Variants in ERBB4 observed in about 807,000 individuals in gnomAD.
The protein encoded by ERBB4 is receptor tyrosine-protein kinase erbB-4.
A neutral mutation model predicts 158.0 loss-of-function variants in ERBB4; 42 were observed. The observed-to-expected ratio is 0.27, with a 90% CI of 0.21 to 0.34. ERBB4 has a LOEUF of 0.34. Ranked by LOEUF, ERBB4 falls within the 10% of genes least tolerant of loss-of-function variation. The pLI is 1.00. For missense variants in ERBB4, 1,333 were observed against 1,624.1 expected, an observed-to-expected ratio of 0.82 and a Z score of 3.08; for synonymous variants, 583 against 558.7, an observed-to-expected ratio of 1.04 and a Z score of -0.61.
Position 212,525,313 on chromosome 2 carries a change from T to C in ERBB4, c.82+13136A>G, listed in dbSNP as rs574609289. Among the ~76,000 whole-genome samples, 6 of 152,084 alleles carry C rather than the reference T, an allele frequency of 3.9e-5. No individual in the cohort carries two copies. In the South Asian group the frequency reaches 6.2e-4, roughly 16 times the overall value. ...GATGTCTTCAAGTTTAAAGCATACA[T>C]GTGCTATCAGCACATGTACAATTAC... On this transcript the variant is annotated intron_variant, in intron 1 of 27. Coordinates refer to ENST00000342788, the MANE Select transcript of ERBB4 (RefSeq NM_005235.3).
intron 20 of ERBB4, among the ~76,000 whole-genome samples, chr2:211,498,744 A>C (rs895924888): frequency 6.6e-6 from 1 of 152,168 alleles, no homozygotes; most frequent in African/African-American, 2.4e-5. Flanking sequence ...TCATATTACC[A>C]TTACAATTGA....
At chr2:211,454,543 T>TTC (rs200602976) in intron 20 of ERBB4, among the ~76,000 whole-genome samples, 29 of 151,400 alleles carry the variant, frequency 1.9e-4, no homozygotes, top group South Asian at 4.2e-4. Context: ...GCAAATGCAT[T>TTC]TCTCTCTCTC....
chr2:212,011,136 C>T (rs1279023330), intron 2 of ERBB4, among the ~76,000 whole-genome samples: 2 of 152,124 alleles, frequency 1.3e-5, no homozygotes, highest in African/African-American at 4.8e-5. Context: ...AGGTGATGTA[C>T]ATCCTTAGCT....
At chr2:212,428,846 T>C (rs527585420) in intron 1 of ERBB4, among the ~76,000 whole-genome samples, 1 of 152,136 alleles carries the variant, frequency 6.6e-6, no homozygotes, top group Admixed American at 6.6e-5. Flanking sequence ...GGGACATCTG[T>C]AGGCATAACA....
In ERBB4 at chr2:211,483,793, C is replaced by A. The variant is rs2065139957; in HGVS notation, c.2488-52693G>T. The stretch of plus-strand genomic sequence containing the variant: ...GATGGCCATCCTGACTTCAAGTGAT[C>A]CTTCCCCTCAGCCTCCCAAAGTGCT... On this transcript the variant is annotated intron_variant, in intron 20 of 27. Coordinates refer to ENST00000342788, the MANE Select transcript of ERBB4 (RefSeq NM_005235.3). Among the ~76,000 whole-genome samples the A allele has an allele frequency of 2.0e-5, 3 of 152,126 alleles. No individual in the cohort carries two copies. In the South Asian group the frequency reaches 6.2e-4, roughly 32 times the overall value.
intron 4 of ERBB4, among the ~76,000 whole-genome samples, chr2:211,768,191 C>T (rs1316723703): frequency 6.6e-6 from 1 of 152,212 alleles, no homozygotes; most frequent in Non-Finnish European, 1.5e-5. Flanking sequence ...CCATGTCTCA[C>T]ATCCAGGTCA....
At chr2:212,171,806 T>C (rs1482956278) in intron 1 of ERBB4, among the ~76,000 whole-genome samples, 1 of 152,170 alleles carries the variant, frequency 6.6e-6, no homozygotes, top group Non-Finnish European at 1.5e-5. Context: ...TGTGGGTCAA[T>C]TAAACCTCTT....
intron 25 of ERBB4, among the ~76,000 whole-genome samples, chr2:211,413,359 A>T (rs866543948): frequency 2.7e-4 from 40 of 148,560 alleles, no homozygotes; most frequent in Non-Finnish European, 4.4e-4. Context: ...TTGATAAAAA[A>T]AAAAATAAAA....
chr2:212,441,897 A>G (rs1220130834), intron 1 of ERBB4, among the ~76,000 whole-genome samples: 1 of 152,192 alleles, frequency 6.6e-6, no homozygotes, highest in Non-Finnish European at 1.5e-5. Flanking sequence ...CAGAAGATAT[A>G]TCCTTGACAA....
At chr2:212,457,537 G>T (rs924856101) in intron 1 of ERBB4, among the ~76,000 whole-genome samples, 1 of 151,972 alleles carries the variant, frequency 6.6e-6, no homozygotes, top group South Asian at 2.1e-4. Flanking sequence ...CTTGCTGATT[G>T]TCCTGTGATA....
intron 1 of ERBB4, among the ~76,000 whole-genome samples, chr2:212,373,815 GTATATATCCATATATA>G (rs1470852695): frequency 1.3e-5 from 1 of 76,292 alleles, no homozygotes; most frequent in African/African-American, 6.7e-5. Flanking sequence ...ATATATCCAT[GTATATATCCATATATA>G]TATATATCCA....
intron 1 of ERBB4, among the ~76,000 whole-genome samples, chr2:212,330,843 G>A (rs1377544838): frequency 6.6e-6 from 1 of 151,140 alleles, no homozygotes; most frequent in Non-Finnish European, 1.5e-5. Context: ...TAGGAACTAG[G>A]ATTTCCTACT....
At chr2:211,881,200 G>C (rs2078651508) in intron 3 of ERBB4, among the ~76,000 whole-genome samples, 1 of 152,210 alleles carries the variant, frequency 6.6e-6, no homozygotes, top group South Asian at 2.1e-4. Context: ...CCAAGAAGTA[G>C]AAGTGGAAGT....
intron 1 of ERBB4, among the ~76,000 whole-genome samples, chr2:212,480,325 A>G (rs1689625834): frequency 6.6e-6 from 1 of 152,172 alleles, no homozygotes; most frequent in African/African-American, 2.4e-5. Flanking sequence ...TGGCACATTG[A>G]AAAAACCAAA....
At chr2:211,698,491 T>C (rs920620263) in intron 12 of ERBB4, among the ~76,000 whole-genome samples, 1 of 151,810 alleles carries the variant, frequency 6.6e-6, no homozygotes, top group South Asian at 2.1e-4. Flanking sequence ...TCCATACATA[T>C]GAAAAATATA....
At chr2:211,972,735 GC>G (rs2081489783) in intron 2 of ERBB4, among the ~76,000 whole-genome samples, 1 of 152,076 alleles carries the variant, frequency 6.6e-6, no homozygotes, top group South Asian at 2.1e-4. Flanking sequence ...CATTCCTTAT[GC>G]CACATACACA....
At chr2:211,747,691 G>A (rs2106201349) in intron 5 of ERBB4, among the ~76,000 whole-genome samples, 1 of 151,908 alleles carries the variant, frequency 6.6e-6, no homozygotes, top group African/African-American at 2.4e-5. Flanking sequence ...ATCAAAGTTA[G>A]GGAAAACCCT....
At chr2:212,460,583 A>G (rs775228912) in intron 1 of ERBB4, among the ~76,000 whole-genome samples, 17 of 152,282 alleles carry the variant, frequency 1.1e-4, no homozygotes, top group East Asian at 1.9e-4. Flanking sequence ...GAGATTTGTG[A>G]AACTTTGAAC....
At chr2:211,815,328 G>A (rs949035942) in intron 3 of ERBB4, among the ~76,000 whole-genome samples, 1 of 152,010 alleles carries the variant, frequency 6.6e-6, no homozygotes, top group Non-Finnish European at 1.5e-5. Flanking sequence ...TTCCAAATAC[G>A]CATTTCATAG....
Sources: gnomAD v4.1 joint callset for allele counts (sites outside exome capture counted in the v4.1 genomes callset) on GRCh38, gnomAD v4.1.1 for gene constraint, MANE v1.5 for transcripts, NCBI Gene and HGNC (gene_info 2026-07-23, HGNC 2026-07-21) for gene names.